Variants in LRFN5 observed in about 807,000 individuals in gnomAD.
LRFN5 encodes the protein leucine rich repeat and fibronectin type III domain containing 5, also known as leucine-rich repeat and fibronectin type-III domain-containing protein 5.
A neutral mutation model predicts 45.6 loss-of-function variants in LRFN5; 24 were observed. The observed-to-expected ratio is 0.53, with a 90% confidence interval of 0.38 to 0.74. LRFN5 has a LOEUF of 0.74. LRFN5 is among the 30% of genes least tolerant of loss of function. The pLI, the probability that LRFN5 is intolerant of heterozygous loss-of-function variation, is 0.00. For synonymous variants in LRFN5, 340 were observed against 313.8 expected (o/e 1.08, Z -0.88); for missense variants, 776 against 861.5 (o/e 0.90, Z 1.24).
chr14:41,648,470 A>T (rs1879926317), intron 1 of LRFN5, among the ~76,000 whole-genome samples: 1 of 152,154 alleles, frequency 6.6e-6, no homozygotes, highest in Non-Finnish European at 1.5e-5. Context: ...GTCTCTAAAA[A>T]ATAAAAATAA....
Position 41,904,205 on chromosome 14 carries a change from A to G in LRFN5, c.*30A>G, listed in dbSNP as rs1351014549. 1.2e-6 allele frequency: 2 copies of G among 1,609,598 alleles called. No homozygotes were observed. The highest frequency in any genetic ancestry group is 1.3e-5 in the African/African-American group (1 of 74,796). On this transcript the variant is annotated 3_prime_UTR_variant, in exon 6 of 6. Transcript: ENST00000298119. The stretch of plus-strand genomic sequence containing the variant: ...CACCACTTCTCCTCTCTCTCCTGAA[A>G]AAATTTGCCACTGATATTTTTACTG...
intron 2 of LRFN5, among the ~76,000 whole-genome samples, chr14:41,808,408 A>AAAGGAAGG (rs1297851268): frequency 4.9e-5 from 1 of 20,610 alleles, no homozygotes; most frequent in Non-Finnish European, 1.0e-4. Flanking sequence ...AGAAAGGAAG[A>AAAGGAAGG]AAGGAAGGAA....
chr14:41,724,944 T>A (rs1358846643), intron 1 of LRFN5, among the ~76,000 whole-genome samples: 1 of 152,186 alleles, frequency 6.6e-6, no homozygotes, highest in African/African-American at 2.4e-5. Flanking sequence ...ATTCCCTTAT[T>A]TTTTGTCCAT....
chr14:41,787,055 C>T (rs1192225664), intron 2 of LRFN5, among the ~76,000 whole-genome samples: 1 of 152,050 alleles, frequency 6.6e-6, no homozygotes, highest in African/African-American at 2.4e-5. Flanking sequence ...TCATATGGTG[C>T]ATCTTTAAAG....
chr14:41,800,777 G>GA (rs59272538), intron 2 of LRFN5, among the ~76,000 whole-genome samples: 69 of 146,258 alleles, frequency 4.7e-4, no homozygotes, highest in South Asian at 2.8e-3. Context: ...TTACCCTGGA[G>GA]AAAAAAAAAA....
chr14:41,768,991 C>A (rs191543078), intron 2 of LRFN5, among the ~76,000 whole-genome samples: 63 of 152,050 alleles, frequency 4.1e-4, no homozygotes, highest in African/African-American at 1.4e-3. Flanking sequence ...AATTAGCAGT[C>A]CATTAGCGTG....
chr14:41,654,427 A>T (rs1214558413), intron 1 of LRFN5, among the ~76,000 whole-genome samples: 1 of 152,052 alleles, frequency 6.6e-6, no homozygotes, highest in Non-Finnish European at 1.5e-5. Context: ...TTGTATGTAC[A>T]TAGTTTTTAA....
chr14:41,728,518 C>G (rs1884031982), intron 1 of LRFN5, among the ~76,000 whole-genome samples: 1 of 152,098 alleles, frequency 6.6e-6, no homozygotes. Context: ...TCCTATCTGT[C>G]TTTTAATAAA....
chr14:41,835,706 G>A (rs1888638714), intron 2 of LRFN5, among the ~76,000 whole-genome samples: 1 of 151,984 alleles, frequency 6.6e-6, no homozygotes, highest in African/African-American at 2.4e-5. Context: ...AGCCTGGCAT[G>A]ACAGAGTGGG....
intron 1 of LRFN5, among the ~76,000 whole-genome samples, chr14:41,678,474 A>G (rs181063747): frequency 3.7e-4 from 56 of 152,290 alleles, no homozygotes; most frequent in Non-Finnish European, 5.9e-4. Context: ...CCCATTTTCA[A>G]TAATGGATAT....
At chr14:41,899,507 GT>G (rs367707307) in intron 5 of LRFN5, among the ~76,000 whole-genome samples, 101 of 152,152 alleles carry the variant, frequency 6.6e-4, no homozygotes, top group African/African-American at 2.3e-3. Context: ...TTCTTGAGTG[GT>G]TTTTTTAGGG....
chr14:41,827,493 T>C (rs74045458), intron 2 of LRFN5, among the ~76,000 whole-genome samples: 1,902 of 152,050 alleles, frequency 0.013, 38 homozygotes, highest in African/African-American at 0.043. Flanking sequence ...AGAGGAAATA[T>C]CAAGCCACAT....
chr14:41,816,138 C>T (rs1246246186), intron 2 of LRFN5, among the ~76,000 whole-genome samples: 1 of 151,672 alleles, frequency 6.6e-6, no homozygotes, highest in African/African-American at 2.4e-5. Flanking sequence ...CCCCATGTTC[C>T]TATTCTTCCT....
chr14:41,801,925 G>T (rs1212770580), intron 2 of LRFN5, among the ~76,000 whole-genome samples: 1 of 152,070 alleles, frequency 6.6e-6, no homozygotes, highest in Non-Finnish European at 1.5e-5. Context: ...ACAAGGAACT[G>T]GGAGGGACCT....
At chr14:41,810,767 A>G (rs1289341257) in intron 2 of LRFN5, among the ~76,000 whole-genome samples, 1 of 152,090 alleles carries the variant, frequency 6.6e-6, no homozygotes, top group Non-Finnish European at 1.5e-5. Flanking sequence ...AAATTAAGAT[A>G]TCAATAACAC....
At chr14:41,704,463 T>C (rs917182033) in intron 1 of LRFN5, among the ~76,000 whole-genome samples, 1 of 150,972 alleles carries the variant, frequency 6.6e-6, no homozygotes, top group Non-Finnish European at 1.5e-5. Flanking sequence ...TGTGTGTGTC[T>C]GTGAGATTTG....
At chr14:41,815,071 G>T (rs1285872004) in intron 2 of LRFN5, among the ~76,000 whole-genome samples, 1 of 152,120 alleles carries the variant, frequency 6.6e-6, no homozygotes, top group South Asian at 2.1e-4. Flanking sequence ...TAATAGTGTT[G>T]TTGAGTTCAA....
intron 4 of LRFN5, among the ~76,000 whole-genome samples, chr14:41,896,199 A>T (rs918770836): frequency 2.0e-5 from 3 of 152,224 alleles, no homozygotes; most frequent in African/African-American, 7.2e-5. Flanking sequence ...CCATAAATAT[A>T]AAGTATCATC....
intron 1 of LRFN5, among the ~76,000 whole-genome samples, chr14:41,666,049 C>T (rs1880883328): frequency 6.6e-6 from 1 of 151,834 alleles, no homozygotes; most frequent in South Asian, 2.1e-4. Context: ...ACCATTTCTC[C>T]TTTAAATTTT....
Sources: gnomAD v4.1 joint callset for allele counts (sites outside exome capture counted in the v4.1 genomes callset) on GRCh38, gnomAD v4.1.1 for gene constraint, MANE v1.5 for transcripts, NCBI Gene and HGNC (gene_info 2026-07-23, HGNC 2026-07-21) for gene names.